SOX6: variants seen among roughly 807,000 people sequenced by gnomAD.
SOX6 encodes SRY-box transcription factor 6.
Under a neutral mutation model 97.8 loss-of-function variants are expected in SOX6, and 11 were observed. The ratio of observed to expected loss-of-function variants is 0.11; its 90% CI spans 0.07 to 0.19. SOX6 has a LOEUF of 0.19. Ranked by LOEUF, SOX6 falls within the 10% of genes least tolerant of loss-of-function variation. The pLI, the probability that SOX6 is intolerant of heterozygous loss-of-function variation, is 1.00. For synonymous variants in SOX6, 360 were observed against 371.4 expected (o/e 0.97, Z 0.35); for missense variants, 810 against 1,039.5 (o/e 0.78, Z 3.04).
intron 2 of SOX6, among the ~76,000 whole-genome samples, chr11:16,336,653 G>A (rs2134333045): frequency 6.6e-6 from 1 of 152,116 alleles, no homozygotes; most frequent in African/African-American, 2.4e-5. Context: ...TTACTCCCTT[G>A]CTTAAAATTT....
chr11:16,593,167 G>A (rs1331525570), intron 4 of SOX6, among the ~76,000 whole-genome samples: 1 of 151,892 alleles, frequency 6.6e-6, no homozygotes, highest in Admixed American at 6.6e-5. Context: ...ACACAGAAAT[G>A]AAAAATATAA....
intron 7 of SOX6, among the ~76,000 whole-genome samples, chr11:16,104,738 G>A (rs1056485378): frequency 6.6e-6 from 1 of 151,842 alleles, no homozygotes; most frequent in African/African-American, 2.4e-5. Context: ...AAATTAAAAA[G>A]AAGCCCTGAA....
intron 6 of SOX6, among the ~76,000 whole-genome samples, chr11:16,129,157 C>A (rs1849679150): frequency 6.6e-6 from 1 of 151,726 alleles, no homozygotes; most frequent in Admixed American, 6.6e-5. Context: ...CATGAGCCAC[C>A]CCACCTGTCC....
At position 16,464,823 on chromosome 11, in the gene SOX6, A is replaced by G. The variant is rs114930854; in HGVS notation, c.-5+11492T>C. Among the ~76,000 whole-genome samples the G allele has an allele frequency of 8.5e-3, 1,290 of 152,294 alleles. 21 individuals are homozygous for G. Among genetic ancestry groups the G allele is most frequent in the African/African-American group, 0.028 (1,176 of 41,568 alleles). ...TTTACCAAGTAGGCACACATTTCCT[A>G]AAATTCCTAAAGTTGTACTTAGAAG... On this transcript the variant is annotated intron_variant, in intron 1 of 15. Coordinates refer to the SOX6 transcript ENST00000396356.
intron 1 of SOX6, among the ~76,000 whole-genome samples, chr11:16,362,134 T>C (rs897900339): frequency 6.6e-6 from 1 of 152,126 alleles, no homozygotes; most frequent in Non-Finnish European, 1.5e-5. Context: ...TTGTATCATG[T>C]GGTTCCTCTC....
intron 2 of SOX6, among the ~76,000 whole-genome samples, chr11:16,725,689 C>T (rs1034613341): frequency 1.4e-4 from 22 of 151,882 alleles, no homozygotes; most frequent in African/African-American, 4.6e-4. Context: ...TGCAGAGTTT[C>T]TTTTTTTCTC....
chr11:16,224,347 A>G (rs1852623421), intron 4 of SOX6, among the ~76,000 whole-genome samples: 2 of 152,098 alleles, frequency 1.3e-5, no homozygotes, highest in African/African-American at 4.8e-5. Flanking sequence ...TTACATAAAC[A>G]TTGATTTCAC....
chr11:16,116,676 T>A (rs1849354434), intron 6 of SOX6, among the ~76,000 whole-genome samples: 1 of 152,182 alleles, frequency 6.6e-6, no homozygotes, highest in Non-Finnish European at 1.5e-5. Context: ...TATTCATAGT[T>A]ACCTAGTGCA....
chr11:16,081,060 G>A (rs949587012), intron 9 of SOX6, among the ~76,000 whole-genome samples: 4 of 151,970 alleles, frequency 2.6e-5, no homozygotes, highest in African/African-American at 7.3e-5. Context: ...CGGCACTCCA[G>A]CCTGGGCAAG....
rs961722575 is a variant in SOX6, at chr11:16,265,659, C to G, written c.446-30988G>C. On this transcript the variant is annotated intron_variant, in intron 3 of 15. Coordinates refer to ENST00000683767, the MANE Select transcript of SOX6 (RefSeq NM_001367873.1). ...ACAGAGATATTAAAATTAACAAAGACATTAAAAGAGTTATTAAAACTATAT... is the reference window on the plus strand; with the variant it reads ...ACAGAGATATTAAAATTAACAAAGAGATTAAAAGAGTTATTAAAACTATAT... Among the ~76,000 whole-genome samples, 5 of 151,660 alleles carry G rather than the reference C, an allele frequency of 3.3e-5. No individual in the cohort carries two copies. The South Asian group carries it at 8.3e-4, about 25-fold the overall frequency.
intron 1 of SOX6, among the ~76,000 whole-genome samples, chr11:16,442,471 T>C (rs1859522106): frequency 6.6e-6 from 1 of 152,190 alleles, no homozygotes; most frequent in Admixed American, 6.5e-5. Context: ...AACATTTCCC[T>C]GAAGCTATTA....
upstream of SOX6, among the ~76,000 whole-genome samples, chr11:16,360,903 T>A (rs1472526097): frequency 6.6e-6 from 1 of 151,320 alleles, no homozygotes; most frequent in Admixed American, 6.6e-5. Context: ...CTCGGGAGGC[T>A]GAGGCAGGAG....
intron 3 of SOX6, among the ~76,000 whole-genome samples, chr11:16,625,133 T>G (rs1848605459): frequency 6.6e-6 from 1 of 152,172 alleles, no homozygotes; most frequent in Non-Finnish European, 1.5e-5. Flanking sequence ...TTTGATAAAG[T>G]CCACATTATT....
intron 3 of SOX6, among the ~76,000 whole-genome samples, chr11:16,284,715 T>C (rs1399291430): frequency 6.6e-6 from 1 of 152,060 alleles, no homozygotes; most frequent in Non-Finnish European, 1.5e-5. Flanking sequence ...CCAGGAAGTG[T>C]GGGTGCAATA....
intron 12 of SOX6, among the ~76,000 whole-genome samples, chr11:16,042,306 C>T (rs1855691274): frequency 6.6e-6 from 1 of 152,140 alleles, no homozygotes; most frequent in Non-Finnish European, 1.5e-5. Flanking sequence ...CAGCACCATT[C>T]AATCCTCTAT....
At chr11:16,395,141 C>T (rs1020796794) in intron 1 of SOX6, among the ~76,000 whole-genome samples, 1 of 151,720 alleles carries the variant, frequency 6.6e-6, no homozygotes, top group African/African-American at 2.4e-5. Flanking sequence ...TTCCTGATAA[C>T]AACAACAAAT....
upstream of SOX6, among the ~76,000 whole-genome samples, chr11:16,360,473 T>C (rs1422293352): frequency 1.3e-5 from 2 of 152,186 alleles, no homozygotes; most frequent in African/African-American, 4.8e-5. Flanking sequence ...AAAATAGATA[T>C]GTATTTGTTT....
intron 4 of SOX6, among the ~76,000 whole-genome samples, chr11:16,571,727 C>T (rs1184895505): frequency 1.3e-5 from 2 of 152,202 alleles, no homozygotes; most frequent in Non-Finnish European, 2.9e-5. Flanking sequence ...TCTCGCCTCA[C>T]TGCAATCTCT....
At chr11:16,418,029 T>C (rs1858957977) in intron 1 of SOX6, among the ~76,000 whole-genome samples, 1 of 152,216 alleles carries the variant, frequency 6.6e-6, no homozygotes, top group African/African-American at 2.4e-5. Flanking sequence ...CGACTACTCA[T>C]CTAGGTGGGT....
Sources: gnomAD v4.1 joint callset for allele counts (sites outside exome capture counted in the v4.1 genomes callset) on GRCh38, gnomAD v4.1.1 for gene constraint, MANE v1.5 for transcripts, NCBI Gene and HGNC (gene_info 2026-07-23, HGNC 2026-07-21) for gene names.